Variants in DLG1 observed in about 807,000 individuals in gnomAD.
DLG1 encodes disks large homolog 1.
A neutral mutation model predicts 123.4 loss-of-function variants in DLG1; 42 were observed. The observed-to-expected ratio is 0.34, with a 90% CI of 0.27 to 0.44. The LOEUF is 0.44. DLG1 is among the 20% of genes least tolerant of loss of function. The probability of loss-of-function intolerance (pLI) is 1.00; values close to 1 mark genes in which losing one functional copy is unlikely to be tolerated. For missense variants in DLG1, 942 were observed against 1,082.6 expected (o/e 0.87, Z 1.82); for synonymous variants, 317 against 356.2 (o/e 0.89, Z 1.24).
intron 5 of DLG1, among the ~76,000 whole-genome samples, chr3:197,182,183 TATC>T (rs1268930260): frequency 6.6e-6 from 1 of 152,158 alleles, no homozygotes; most frequent in Non-Finnish European, 1.5e-5. Flanking sequence ...CAATGGAAAA[TATC>T]ATCTAGTATT....
At chr3:197,262,992 C>T (rs1278221184) in intron 4 of DLG1, among the ~76,000 whole-genome samples, 1 of 152,144 alleles carries the variant, frequency 6.6e-6, no homozygotes, top group Non-Finnish European at 1.5e-5. Context: ...CTGCAATTAT[C>T]ATTTGCTCCC....
Position 197,064,214 on chromosome 3 carries a change from G to A in DLG1, c.2373+1062C>T, listed in dbSNP as rs144554087. On this transcript the variant is annotated intron_variant, in intron 22 of 24. Coordinates refer to ENST00000667157, the MANE Select transcript of DLG1 (RefSeq NM_001366207.1). Reference sequence around the variant, plus strand: ...GGCCTTATTTTTTTTTTTTTTTGAGGCAGAGTTTCACTCTTGTCACCCAGG... The same window carrying A: ...GGCCTTATTTTTTTTTTTTTTTGAGACAGAGTTTCACTCTTGTCACCCAGG... 1.8e-3 allele frequency among the ~76,000 whole-genome samples: 263 copies of A among 146,548 alleles called. 2 individuals are homozygous for A. Among genetic ancestry groups the A allele is most frequent in the Middle Eastern group, 7.1e-3 (2 of 282 alleles).
chr3:197,208,285 G>T (rs1046202629), intron 4 of DLG1, among the ~76,000 whole-genome samples: 1 of 146,376 alleles, frequency 6.8e-6, no homozygotes, highest in African/African-American at 2.4e-5. Flanking sequence ...AGGAAAAACA[G>T]GCACTTTCAT....
At chr3:197,112,184 A>G (rs1178902152) in intron 13 of DLG1, among the ~76,000 whole-genome samples, 2 of 152,236 alleles carry the variant, frequency 1.3e-5, no homozygotes, top group African/African-American at 4.8e-5. Flanking sequence ...TAAGTGGGAT[A>G]TAGTATTTCA....
At chr3:197,159,419 T>C (rs1284754823) in intron 5 of DLG1, among the ~76,000 whole-genome samples, 1 of 152,194 alleles carries the variant, frequency 6.6e-6, no homozygotes, top group African/African-American at 2.4e-5. Flanking sequence ...AGGTTGGCGT[T>C]ACCCCCCATT....
intron 5 of DLG1, among the ~76,000 whole-genome samples, chr3:197,189,595 C>T (rs1718144643): frequency 6.6e-6 from 1 of 152,036 alleles, no homozygotes; most frequent in Admixed American, 6.6e-5. Context: ...TTAAGAACCC[C>T]AGAGGATGGT....
intron 5 of DLG1, among the ~76,000 whole-genome samples, chr3:197,154,370 G>A (rs111875078): frequency 9.9e-5 from 15 of 151,622 alleles, no homozygotes; most frequent in African/African-American, 3.6e-4. Flanking sequence ...ACTAGACAAA[G>A]ACTTTATTAA....
intron 20 of DLG1, 51 bp downstream of exon 20, chr3:197,066,652 TA>T: frequency 7.1e-7 from 1 of 1,401,940 alleles, no homozygotes; most frequent in East Asian, 2.4e-5. Context: ...TCCCCCAAAT[TA>T]AAAAGTATAT....
At chr3:197,192,365 A>G (rs991952679) in intron 5 of DLG1, among the ~76,000 whole-genome samples, 7 of 152,194 alleles carry the variant, frequency 4.6e-5, no homozygotes, top group African/African-American at 1.7e-4. Flanking sequence ...AACATTTATA[A>G]AAGAATACTA....
chr3:197,093,181 A>G (rs1281699413), intron 14 of DLG1, among the ~76,000 whole-genome samples: 2 of 151,478 alleles, frequency 1.3e-5, no homozygotes, highest in Non-Finnish European at 2.9e-5. Flanking sequence ...GTTTTTTCAG[A>G]CGGAGTTTCA....
At chr3:197,257,326 T>TC (rs1477791560) in intron 4 of DLG1, among the ~76,000 whole-genome samples, 1 of 152,096 alleles carries the variant, frequency 6.6e-6, no homozygotes, top group Non-Finnish European at 1.5e-5. Flanking sequence ...GTGACTTAAT[T>TC]CCTAAAATTC....
At chr3:197,118,920 C>T (rs2149428520) in intron 12 of DLG1, among the ~76,000 whole-genome samples, 1 of 152,212 alleles carries the variant, frequency 6.6e-6, no homozygotes, top group East Asian at 1.9e-4. Flanking sequence ...GGGAGGATAG[C>T]TTGAGTCTAG....
chr3:197,272,684 C>G (rs1436269414), intron 4 of DLG1, among the ~76,000 whole-genome samples: 1 of 152,120 alleles, frequency 6.6e-6, no homozygotes, highest in Non-Finnish European at 1.5e-5. Context: ...GATGAAAAAA[C>G]TTTACCTACA....
At chr3:197,267,471 T>C (rs1762171591) in intron 4 of DLG1, among the ~76,000 whole-genome samples, 1 of 152,184 alleles carries the variant, frequency 6.6e-6, no homozygotes, top group African/African-American at 2.4e-5. Context: ...CAGAGGCCAT[T>C]AGGAGAAAGA....
chr3:197,147,913 A>G (rs971263655), intron 6 of DLG1, among the ~76,000 whole-genome samples: 1 of 152,004 alleles, frequency 6.6e-6, no homozygotes, highest in East Asian at 1.9e-4. Context: ...CCAGAGGTAA[A>G]CTATCTCTAT....
chr3:197,075,417 GC>G (rs1468207933), intron 18 of DLG1, among the ~76,000 whole-genome samples: 1 of 148,454 alleles, frequency 6.7e-6, no homozygotes, highest in Non-Finnish European at 1.5e-5. Context: ...TTATAGTAAT[GC>G]TTTTCTAACA....
intron 5 of DLG1, among the ~76,000 whole-genome samples, chr3:197,178,259 G>T (rs1231351187): frequency 6.6e-6 from 1 of 152,130 alleles, no homozygotes; most frequent in Admixed American, 6.6e-5. Flanking sequence ...AGTTGCAGAA[G>T]TGTTGAAAAG....
rs1765543268 is a variant in DLG1 at position 197,104,907 on chromosome 3, A to C, written c.1542T>G (p.Pro514=). 3 of 1,605,086 alleles carry C rather than the reference A, an allele frequency of 1.9e-6. No homozygotes were observed. In the African/African-American group the frequency reaches 4.0e-5, roughly 21 times the overall value. The change falls in exon 14 of 25, where the codon CCT becomes CCG. Residue 514 remains proline (P), a synonymous_variant. Coordinates refer to ENST00000667157, the MANE Select transcript of DLG1 (RefSeq NM_001366207.1). ...AGACAATAAGAATGTTATTACCTTC[A>C]GGTCGATATTGTGCAACAATTGTGA... is the stretch of plus-strand genomic sequence containing the variant. ...QAVTIVAQYR[P]EEYSRFEAKI...
intron 5 of DLG1, among the ~76,000 whole-genome samples, chr3:197,191,254 A>G (rs1719345070): frequency 1.3e-5 from 2 of 152,228 alleles, no homozygotes; most frequent in Middle Eastern, 3.4e-3. Context: ...GGAGAGGCCT[A>G]AACCCTTAGG....
Sources: allele counts gnomAD v4.1 joint callset (sites outside exome capture counted in the v4.1 genomes callset), GRCh38; gene constraint gnomAD v4.1.1; transcripts MANE v1.5; gene names NCBI Gene and HGNC (gene_info 2026-07-23, HGNC 2026-07-21).